Variants in FAM185A observed in about 807,000 individuals in gnomAD.
FAM185A encodes family with sequence similarity 185 member A.
In FAM185A, 21 loss-of-function variants were observed where a neutral mutation model predicts 45.7. That is an observed-to-expected ratio of 0.46 (90% CI 0.33 to 0.66). FAM185A has a LOEUF of 0.66. FAM185A is among the 30% of genes least tolerant of loss of function. The probability of loss-of-function intolerance (pLI) is 0.03; values close to 1 mark genes in which losing one functional copy is unlikely to be tolerated. For missense variants in FAM185A, 305 were observed against 485.4 expected, an observed-to-expected ratio of 0.63 and a Z score of 3.49; for synonymous variants, 117 against 194.0, an observed-to-expected ratio of 0.60 and a Z score of 3.30.
the FAM185A span, among the ~76,000 whole-genome samples, chr7:102,816,610 C>T: frequency 2.1e-4 from 32 of 152,128 alleles, no homozygotes; most frequent in Admixed American, 1.8e-3. Context: ...TTTGCACACA[C>T]GCACCTTTAA....
At chr7:102,761,831 T>A (rs1289121164) in intron 4 of FAM185A, among the ~76,000 whole-genome samples, 2 of 152,004 alleles carry the variant, frequency 1.3e-5, no homozygotes, top group Admixed American at 6.6e-5. Context: ...GCTAGGCTAA[T>A]TTTTGTATTT....
At chr7:102,759,392 ATTGAG>A (rs1793973989) in intron 3 of FAM185A, among the ~76,000 whole-genome samples, 3 of 151,762 alleles carry the variant, frequency 2.0e-5, no homozygotes. Flanking sequence ...TTATTTCTTG[ATTGAG>A]TTTTGTTATG....
At chr7:102,816,524 C>T in the FAM185A span, among the ~76,000 whole-genome samples, 1 of 152,098 alleles carries the variant, frequency 6.6e-6, no homozygotes, top group Non-Finnish European at 1.5e-5. Context: ...AGGACCTTGC[C>T]AAGAGAAGAG....
intron 7 of FAM185A, among the ~76,000 whole-genome samples, chr7:102,793,831 G>GAGTT (rs1372857708): frequency 6.6e-6 from 1 of 151,828 alleles, no homozygotes; most frequent in Non-Finnish European, 1.5e-5. Context: ...CTAAGGTCAG[G>GAGTT]AGTTAGAGAC....
At chr7:102,791,041 A>C (rs1796111130) in intron 7 of FAM185A, among the ~76,000 whole-genome samples, 1 of 152,236 alleles carries the variant, frequency 6.6e-6, no homozygotes, top group African/African-American at 2.4e-5. Context: ...GTGAGAACAC[A>C]GGGGTGAGGA....
chr7:102,828,258 T>C, the FAM185A span, among the ~76,000 whole-genome samples: 25,733 of 152,114 alleles, frequency 0.17, 2,241 homozygotes, highest in Middle Eastern at 0.26. Context: ...TTTTATTTCA[T>C]TGAGCAGTGG....
At chr7:102,790,130 T>C (rs1045878067) in intron 7 of FAM185A, among the ~76,000 whole-genome samples, 49 of 152,264 alleles carry the variant, frequency 3.2e-4, no homozygotes, top group Middle Eastern at 3.4e-3. Flanking sequence ...ATAAAAAGTA[T>C]AGTAAATACA....
intron 7 of FAM185A, among the ~76,000 whole-genome samples, chr7:102,793,508 C>T (rs952917369): frequency 6.6e-6 from 1 of 151,860 alleles, no homozygotes; most frequent in Non-Finnish European, 1.5e-5. Context: ...TGCATCCGGC[C>T]GCTTTTATGG....
chr7:102,787,460 A>G lies in FAM185A; in HGVS notation c.1057A>G (p.Thr353Ala). The G allele has an allele frequency of 6.6e-7, 1 of 1,515,650 alleles. No homozygotes were observed. Among genetic ancestry groups the G allele is most frequent in the Non-Finnish European group, 8.9e-7 (1 of 1,122,302 alleles). The allele number at this position is 1,515,650 out of a possible 1,614,324, so 93.9% of individuals were successfully genotyped here. Residue 353 changes from threonine (T) to alanine (A), a missense_variant, in exon 7 of 8, where the codon ACA becomes GCA. Thr to Ala is a moderately conservative substitution (Grantham distance 58, BLOSUM62 0). This residue lies in a region of FAM185A where 66 missense variants were observed against 74.6 expected (regional missense o/e 0.89). Transcript: ENST00000413034. Reference protein sequence around the residue: ...MAEVRKDDVVTVTGLMNQASK... With the variant: ...MAEVRKDDVVAVTGLMNQASK... ...TGAAGTTCGTAAAGATGATGTTGTAACAGTGACTGGTAAGGAGGCTGCATT... is the reference window on the plus strand; with the variant it reads ...TGAAGTTCGTAAAGATGATGTTGTAGCAGTGACTGGTAAGGAGGCTGCATT...
chr7:102,827,079 G>T, the FAM185A span: 1 of 442,040 alleles, frequency 2.3e-6, no homozygotes, highest in South Asian at 1.6e-5. Flanking sequence ...CTTGTGACTT[G>T]CTTTGACCAA....
At chr7:102,833,094 C>A in the FAM185A span, 464 of 1,018,596 alleles carry the variant, frequency 4.6e-4, 4 homozygotes, top group Non-Finnish European at 9.1e-5. Context: ...GATCTTGATG[C>A]CCCCAAAAAA....
chr7:102,843,289 C>G, the FAM185A span, among the ~76,000 whole-genome samples: 2 of 152,014 alleles, frequency 1.3e-5, no homozygotes, highest in African/African-American at 2.4e-5. Context: ...ACTAAAAATA[C>G]AAAATTACCT....
intron 7 of FAM185A, among the ~76,000 whole-genome samples, chr7:102,806,896 G>A (rs958582195): frequency 6.6e-6 from 1 of 152,066 alleles, no homozygotes; most frequent in African/African-American, 2.4e-5. Context: ...GGGGAGACGG[G>A]GCTGCCCAGA....
At chr7:102,834,930 T>G in the FAM185A span, among the ~76,000 whole-genome samples, 1 of 151,492 alleles carries the variant, frequency 6.6e-6, no homozygotes, top group Non-Finnish European at 1.5e-5. Flanking sequence ...CAAAACAGCA[T>G]GTTGTACTTC....
chr7:102,780,937 C>T (rs569374962), intron 6 of FAM185A, among the ~76,000 whole-genome samples: 4 of 152,280 alleles, frequency 2.6e-5, no homozygotes, highest in Middle Eastern at 3.4e-3. Context: ...ACAGACAGCA[C>T]CTGGAAAATC....
rs114458713 is a variant in FAM185A, at chr7:102,806,577, A to G, written c.1067-1713A>G. On this transcript the variant is annotated intron_variant, in intron 7 of 7. Transcript: ENST00000413034. ...TGTTTGTTTGTGTTTTTTTGTTTTAAATTTTTGTGCTTGAGAAGAGTCCAC... is the reference window on the plus strand; with the variant it reads ...TGTTTGTTTGTGTTTTTTTGTTTTAGATTTTTGTGCTTGAGAAGAGTCCAC... Among the ~76,000 whole-genome samples the G allele has an allele frequency of 3.8e-3, 576 of 151,724 alleles. 5 individuals are homozygous for G. Among genetic ancestry groups the G allele is most frequent in the African/African-American group, 0.014 (564 of 41,280 alleles).
intron 6 of FAM185A, among the ~76,000 whole-genome samples, chr7:102,780,822 T>C (rs1795356616): frequency 6.6e-6 from 1 of 152,106 alleles, no homozygotes; most frequent in Non-Finnish European, 1.5e-5. Flanking sequence ...TGCAGGACAG[T>C]GGGCGCAGCG....
At chr7:102,835,855 C>T in the FAM185A span, among the ~76,000 whole-genome samples, 16 of 151,896 alleles carry the variant, frequency 1.1e-4, no homozygotes, top group South Asian at 1.2e-3. Flanking sequence ...GTGATCCGCC[C>T]GCCTCGGCCT....
intron 7 of FAM185A, among the ~76,000 whole-genome samples, chr7:102,805,510 A>G (rs957538066): frequency 2.6e-5 from 4 of 151,104 alleles, no homozygotes; most frequent in African/African-American, 4.9e-5. Flanking sequence ...GAGTGATACA[A>G]TGGACTTTGG....
Sources: gnomAD v4.1 joint callset for allele counts (sites outside exome capture counted in the v4.1 genomes callset) on GRCh38, gnomAD v4.1.1 for gene constraint, gnomAD v4.1.1 regional missense constraint, MANE v1.5 for transcripts, NCBI Gene and HGNC (gene_info 2026-07-23, HGNC 2026-07-21) for gene names.